TRPM5: variants seen among roughly 807,000 people sequenced by gnomAD.
TRPM5 encodes MLSN1 and TRP-related.
TRPM5 carries 121 observed loss-of-function variants against 124.9 expected under a neutral mutation model. That is an observed-to-expected ratio of 0.97 (90% CI 0.84 to 1.13). TRPM5 has a LOEUF of 1.13. Ranked by LOEUF, TRPM5 falls within the 50% of genes most tolerant of loss-of-function variation. The pLI is 0.00. For synonymous variants in TRPM5, 781 were observed against 700.5 expected (o/e 1.11, Z -1.81); for missense variants, 1,643 against 1,589.1 (o/e 1.03, Z -0.58).
the TRPM5 span, among the ~76,000 whole-genome samples, chr11:2,436,849 G>A: frequency 1.3e-5 from 2 of 152,260 alleles, no homozygotes; most frequent in Admixed American, 6.5e-5. Context: ...CAGAGAGTCT[G>A]CAGTGACATC....
intron 18 of TRPM5, among the ~76,000 whole-genome samples, chr11:2,408,897 A>T (rs1469991252): frequency 6.6e-6 from 1 of 152,112 alleles, no homozygotes; most frequent in Non-Finnish European, 1.5e-5. Flanking sequence ...ATGTGATTGG[A>T]TGTGCCTGGC....
chr11:2,405,656 G>T (rs1850303490), intron 22 of TRPM5, 63 bp from the exon 28 acceptor site: 2 of 1,514,598 alleles, frequency 1.3e-6, no homozygotes, highest in Admixed American at 3.9e-5. Context: ...GGGACAGGCA[G>T]CCTCCCCATC....
At chr11:2,407,081 G>C (rs776313169) in intron 20 of TRPM5, 38 bp downstream of exon 25, 4 of 1,013,252 alleles carry the variant, frequency 3.9e-6, no homozygotes, top group Non-Finnish European at 5.3e-6. Flanking sequence ...CCGCCACCTC[G>C]GCCTCACCCA....
At chr11:2,418,573 A>T in exon 5 of TRPM5, 1 of 1,611,648 alleles carries the variant, frequency 6.2e-7, no homozygotes, top group Non-Finnish European at 8.5e-7. Context: ...GAGGACAGGG[A>T]TCTCGATGCT....
In TRPM5 at chr11:2,421,430, C is replaced by T. The variant is rs190845402; in HGVS notation, c.299-232G>A. 4.6e-5 allele frequency among the ~76,000 whole-genome samples: 7 copies of T among 152,332 alleles called. No homozygotes were observed. The East Asian group carries it at 1.4e-3, about 29-fold the overall frequency. ...GGGCCCAGAACCTGTGAAGTGGCAC[C>T]CCCACCCCACCTGGAGCGCACAAAC... On this transcript the variant is annotated intron_variant, in intron 2 of 23. Coordinates refer to ENST00000155858, the Ensembl canonical transcript of TRPM5.
At chr11:2,436,288 T>A in the TRPM5 span, among the ~76,000 whole-genome samples, 3 of 152,240 alleles carry the variant, frequency 2.0e-5, no homozygotes, top group Non-Finnish European at 1.5e-5. Flanking sequence ...CAGCCCGTGA[T>A]GGGCCATGGT....
the TRPM5 span, among the ~76,000 whole-genome samples, chr11:2,434,643 ATGT>A: frequency 1.4e-5 from 2 of 146,472 alleles, no homozygotes; most frequent in Non-Finnish European, 3.0e-5. Flanking sequence ...TGGACACTGC[ATGT>A]GTGTCTGTGT....
chr11:2,405,927 GTGA>G, intron 22 of TRPM5, 89 bp downstream of exon 27: 1 of 1,204,352 alleles, frequency 8.3e-7, no homozygotes, highest in Non-Finnish European at 1.2e-6. Context: ...CCTCATCTCT[GTGA>G]GTGACCGGGC....
Position 2,421,139 on chromosome 11 carries a change from C to G in TRPM5, c.358G>C (p.Val120Leu). 14 of 1,542,276 alleles carry G rather than the reference C, an allele frequency of 9.1e-6. No homozygotes were observed. Among genetic ancestry groups the G allele is most frequent in the Non-Finnish European group, 1.2e-5 (14 of 1,145,660 alleles). The change falls in exon 3 of 24, where the codon GTG becomes CTG. Residue 120 changes from valine (V) to leucine (L), a missense_variant. Physicochemically the swap from Val to Leu is conservative, Grantham distance 32. Transcript: ENST00000155858. ...GTGCTGGCCAGCGAGTGGTCGCGCA[C>G]GGCCTGCCCGACATGCCTGGCCAGG... is the stretch of plus-strand genomic sequence containing the variant.
intron 2 of TRPM5, 144 bp from the exon 8 acceptor site, chr11:2,421,342 G>A: frequency 9.3e-7 from 1 of 1,073,852 alleles, no homozygotes; most frequent in African/African-American, 1.7e-5. Flanking sequence ...CGGTGGGGTG[G>A]GGAAGCCGAG....
intron 18 of TRPM5, 25 bp downstream of exon 23, chr11:2,411,327 C>T: frequency 6.5e-7 from 1 of 1,541,206 alleles, no homozygotes; most frequent in Non-Finnish European, 8.8e-7. Flanking sequence ...CTCCCTGCCC[C>T]TGCCCCCGCT....
exon 3 of TRPM5, chr11:2,421,161 C>T: frequency 6.5e-7 from 1 of 1,541,960 alleles, no homozygotes. Flanking sequence ...CATGCCTGGC[C>T]AGGCCCACGC....
upstream of TRPM5, among the ~76,000 whole-genome samples, chr11:2,427,728 C>T (rs973874430): frequency 1.3e-5 from 2 of 152,204 alleles, no homozygotes; most frequent in African/African-American, 2.4e-5. Context: ...CGGGGTGGCC[C>T]GGGACCGATG....
chr11:2,422,166 C>T, exon 2 of TRPM5: 1 of 1,610,566 alleles, frequency 6.2e-7, no homozygotes, highest in South Asian at 1.1e-5. Context: ...CCTTCACCAG[C>T]CCCTTGCGCA....
intron 7 of TRPM5, among the ~76,000 whole-genome samples, chr11:2,416,975 G>T (rs904063732): frequency 1.3e-5 from 2 of 152,174 alleles, no homozygotes; most frequent in East Asian, 1.9e-4. Context: ...CCCGCTGCCT[G>T]CAGGGAACCA....
At chr11:2,420,386 T>C in exon 4 of TRPM5, 1 of 1,611,140 alleles carries the variant, frequency 6.2e-7, no homozygotes, top group Non-Finnish European at 8.5e-7. Context: ...ATCCTCAGGG[T>C]AGTGGACAGG....
intron 18 of TRPM5, chr11:2,410,817 AGCGGCCAAATGGCGAAGGG>A (rs1364524445): frequency 2.6e-6 from 1 of 385,004 alleles, no homozygotes; most frequent in African/African-American, 2.1e-5. Context: ...TGCCTTTAGG[AGCGGCCAAATGGCGAAGGG>A]GCCTTGCCAG....
chr11:2,413,567 A>T, exon 13 of TRPM5: 1 of 1,612,462 alleles, frequency 6.2e-7, no homozygotes, highest in Non-Finnish European at 8.5e-7. Context: ...ATGTCCCCCC[A>T]CCAGATCCTG....
rs763468710 is a variant in TRPM5, at chr11:2,412,789, A to G, written c.2320T>C (p.Trp774Arg). ...TCCTCCAGCACCAGCGTAAAGACCC[A>G]GAAGTAGAGGGTGACCTCGGGCCCT... The change falls in exon 15 of 24, where the codon TGG (tryptophan) becomes CGG (arginine). Residue 774 changes from tryptophan (W) to arginine (R), a missense_variant. Trp to Arg is a moderately radical substitution (Grantham distance 101). Transcript: ENST00000155858. 3.1e-6 allele frequency: 5 copies of G among 1,607,750 alleles called. No individual in the cohort carries two copies. The East Asian group carries it at 1.1e-4, about 36-fold the overall frequency.
Sources: allele counts gnomAD v4.1 joint callset (sites outside exome capture counted in the v4.1 genomes callset), GRCh38; gene constraint gnomAD v4.1.1; transcripts MANE v1.5; gene names NCBI Gene and HGNC (gene_info 2026-07-23, HGNC 2026-07-21).